SLC37A1: variants seen among roughly 807,000 people sequenced by gnomAD.
SLC37A1 encodes the protein solute carrier family 37 member 1, also known as glucose-6-phosphate exchanger SLC37A1.
In SLC37A1, 49 loss-of-function variants were observed where a neutral mutation model predicts 75.3. That is an observed-to-expected ratio of 0.65 (90% CI 0.52 to 0.83). The LOEUF is 0.83. Ranked by LOEUF, SLC37A1 falls within the 40% of genes least tolerant of loss-of-function variation. The pLI is 0.00. For synonymous variants in SLC37A1, 268 were observed against 292.1 expected (o/e 0.92, Z 0.84); for missense variants, 566 against 695.0 (o/e 0.81, Z 2.09).
At chr21:42,575,716 C>G in intron 18 of SLC37A1, 1 of 985,436 alleles carries the variant, frequency 1.0e-6, no homozygotes. Flanking sequence ...TTGAGAATTT[C>G]AGAAATATCA....
At chr21:42,563,938 G>A in intron 13 of SLC37A1, 61 bp downstream of exon 13, 2 of 1,576,292 alleles carry the variant, frequency 1.3e-6, no homozygotes, top group Non-Finnish European at 8.7e-7. Flanking sequence ...TGATCTCTGA[G>A]TTGATTCACT....
intron 4 of SLC37A1, among the ~76,000 whole-genome samples, chr21:42,535,042 A>C (rs73905681): frequency 0.012 from 1,846 of 152,328 alleles, 38 homozygotes; most frequent in African/African-American, 0.043. Flanking sequence ...CTTTATGGGG[A>C]AATGTGCTGA....
chr21:42,565,016 G>A (rs1415198281), intron 14 of SLC37A1, among the ~76,000 whole-genome samples: 1 of 152,272 alleles, frequency 6.6e-6, no homozygotes, highest in Non-Finnish European at 1.5e-5. Context: ...AGCATGGGCC[G>A]CGCGCAAGCT....
chr21:42,565,789 C>T, intron 14 of SLC37A1, 38 bp from the exon 15 acceptor site: 2 of 1,594,874 alleles, frequency 1.3e-6, no homozygotes, highest in Admixed American at 1.7e-5. Context: ...CTGCTTGCAG[C>T]CAGCCATGGC....
intron 12 of SLC37A1, among the ~76,000 whole-genome samples, 195 bp downstream of exon 12, chr21:42,562,363 T>C (rs1365940852): frequency 6.6e-6 from 1 of 152,184 alleles, no homozygotes; most frequent in South Asian, 2.1e-4. Context: ...GCCATAATGG[T>C]AAACTTTATG....
At chr21:42,535,820 C>T (rs1459086917) in intron 5 of SLC37A1, among the ~76,000 whole-genome samples, 1 of 152,238 alleles carries the variant, frequency 6.6e-6, no homozygotes. Context: ...TTTCCTGGCC[C>T]TGAAGTTTAG....
chr21:42,540,061 AG>A (rs35017358), intron 6 of SLC37A1, among the ~76,000 whole-genome samples: 152,350 of 152,350 alleles, frequency 1, 76,175 homozygotes, highest in Non-Finnish European at 1. Flanking sequence ...AGTTCCCACC[AG>A]GGGAGCGCCC....
intron 16 of SLC37A1, among the ~76,000 whole-genome samples, 189 bp downstream of exon 16, chr21:42,567,247 G>C (rs568027745): frequency 2.0e-5 from 3 of 152,202 alleles, no homozygotes; most frequent in Non-Finnish European, 4.4e-5. Context: ...AAAATCATGG[G>C]CAGGTTGGTG....
intron 11 of SLC37A1, chr21:42,561,451 AGCCTGTAC>A (rs2055825788): frequency 6.4e-6 from 1 of 155,338 alleles, no homozygotes; most frequent in African/African-American, 2.4e-5. Flanking sequence ...GGGATGCGGT[AGCCTGTAC>A]GCCTGTGTGC....
intron 1 of SLC37A1, among the ~76,000 whole-genome samples, chr21:42,515,432 C>A (rs1345456120): frequency 6.6e-6 from 1 of 152,120 alleles, no homozygotes; most frequent in African/African-American, 2.4e-5. Context: ...ATGTGTAATG[C>A]CACCTCAGCC....
At chr21:42,570,184 G>A (rs1408446330) in intron 17 of SLC37A1, among the ~76,000 whole-genome samples, 2 of 92,282 alleles carry the variant, frequency 2.2e-5, no homozygotes, top group Non-Finnish European at 4.3e-5. Context: ...ATTGCCATGT[G>A]ACACATGGCC....
At chr21:42,503,294 G>A (rs1232771835) in intron 2 of SLC37A1, among the ~76,000 whole-genome samples, 1 of 139,342 alleles carries the variant, frequency 7.2e-6, no homozygotes, top group Non-Finnish European at 1.5e-5. Flanking sequence ...CTGTCATCCA[G>A]GCTGGAGTGC....
chr21:42,500,194 G>A (rs2054328550), intron 1 of SLC37A1, among the ~76,000 whole-genome samples: 1 of 152,056 alleles, frequency 6.6e-6, no homozygotes, highest in Non-Finnish European at 1.5e-5. Flanking sequence ...AGAACTATGA[G>A]GTTGTTTATT....
chr21:42,541,298 A>G (rs1192002811), intron 6 of SLC37A1, among the ~76,000 whole-genome samples: 2 of 152,186 alleles, frequency 1.3e-5, no homozygotes, highest in African/African-American at 4.8e-5. Context: ...GCCACGGATC[A>G]GGACTAGTCT....
At chr21:42,533,338 G>A (rs1339409419) in intron 3 of SLC37A1, among the ~76,000 whole-genome samples, 1 of 152,162 alleles carries the variant, frequency 6.6e-6, no homozygotes, top group African/African-American at 2.4e-5. Flanking sequence ...CACGCTTGAT[G>A]GGGCAACTCC....
chr21:42,505,580 C>T (rs543877482), intron 2 of SLC37A1, among the ~76,000 whole-genome samples: 8 of 152,114 alleles, frequency 5.3e-5, no homozygotes, highest in African/African-American at 1.9e-4. Flanking sequence ...GAGGCATGAC[C>T]CCTCAGAGTC....
chr21:42,574,626 A>G (rs2056265550), intron 17 of SLC37A1, among the ~76,000 whole-genome samples, 192 bp from the exon 18 acceptor site: 1 of 152,142 alleles, frequency 6.6e-6, no homozygotes, highest in Non-Finnish European at 1.5e-5. Flanking sequence ...TCAGGTTTTC[A>G]GATTTGGAAG....
At position 42,547,081 on chromosome 21, in the gene SLC37A1, T is replaced by A. The variant is rs756924667; in HGVS notation, c.731-22T>A. 4 of 1,614,186 alleles carry A rather than the reference T, an allele frequency of 2.5e-6. No individual in the cohort carries two copies. The highest frequency in any genetic ancestry group is 3.4e-6 in the Non-Finnish European group (4 of 1,180,004). ...GCCATGGTGGTGGACCTGCTCAGCC[T>A]CACTCATGTTTGCTCTTTCAGATCC... On this transcript the variant is annotated intron_variant, in intron 8 of 19. Transcript: ENST00000352133. This position sits in a 1 kb window ranked among gnomAD's most constrained non-coding sequence, Gnocchi z 6.1.
chr21:42,561,967 C>T, intron 11 of SLC37A1, 111 bp from the exon 12 acceptor site: 2 of 875,498 alleles, frequency 2.3e-6, no homozygotes, highest in South Asian at 1.4e-5. Context: ...AAAGCCAGAC[C>T]AGAGACAGGA....
Sources: allele counts gnomAD v4.1 joint callset (sites outside exome capture counted in the v4.1 genomes callset), GRCh38; gene constraint gnomAD v4.1.1; non-coding constraint Gnocchi (gnomAD v3.1); transcripts MANE v1.5; gene names NCBI Gene and HGNC (gene_info 2026-07-23, HGNC 2026-07-21).